The following MSI2 variants were observed in gnomAD, a reference collection of about 807,000 sequenced individuals.
MSI2 encodes the protein RNA-binding protein Musashi homolog 2.
A neutral mutation model predicts 45.6 loss-of-function variants in MSI2; 17 were observed. The observed-to-expected ratio is 0.37, with a 90% CI of 0.26 to 0.56. The LOEUF is 0.56. Ranked by LOEUF, MSI2 falls within the 20% of genes least tolerant of loss-of-function variation. The pLI, the probability that MSI2 is intolerant of heterozygous loss-of-function variation, is 0.77. For missense variants in MSI2, 293 were observed against 444.2 expected, an observed-to-expected ratio of 0.66 and a Z score of 3.06; for synonymous variants, 156 against 158.2, an observed-to-expected ratio of 0.99 and a Z score of 0.11.
At chr17:57,493,528 C>T (rs1325615328) in intron 6 of MSI2, among the ~76,000 whole-genome samples, 4 of 151,700 alleles carry the variant, frequency 2.6e-5, no homozygotes, top group African/African-American at 9.7e-5. Context: ...AGATCCAGCC[C>T]ATATGGGCAC....
intron 7 of MSI2, among the ~76,000 whole-genome samples, chr17:57,532,564 A>G (rs746939672): frequency 3.3e-5 from 5 of 152,228 alleles, no homozygotes. Context: ...ATCACAGCAG[A>G]GGCACAGATC....
intron 5 of MSI2, among the ~76,000 whole-genome samples, chr17:57,293,587 GTTTTTTTGTTTT>G (rs1202693897): frequency 0.082 from 5,353 of 65,416 alleles, 323 homozygotes; most frequent in African/African-American, 0.17. Flanking sequence ...GTGCTTTATT[GTTTTTTTGTTTT>G]TTTTTTTGTT....
At chr17:57,516,653 T>C (rs1461057402) in intron 6 of MSI2, among the ~76,000 whole-genome samples, 2 of 152,230 alleles carry the variant, frequency 1.3e-5, no homozygotes, top group African/African-American at 4.8e-5. Context: ...AGGGTAGTCA[T>C]TTGCCACAGG....
intron 6 of MSI2, among the ~76,000 whole-genome samples, chr17:57,486,594 G>A (rs2085759055): frequency 6.6e-6 from 1 of 152,174 alleles, no homozygotes; most frequent in Admixed American, 6.5e-5. Context: ...TTCCTTGTAT[G>A]TGTTTGGAAA....
rs1288460687 is a variant in MSI2, at chr17:57,529,298, T to G, written c.406-378T>G. ...AAAAATAAAATAAAATAACTGGGCA[T>G]GATGGTACATGCCTGTAGTCCCAGC... On this transcript the variant is annotated intron_variant, in intron 6 of 13. Coordinates refer to ENST00000284073, the MANE Select transcript of MSI2 (RefSeq NM_138962.4). This position sits in a 1 kb window ranked among gnomAD's most constrained non-coding sequence, Gnocchi z 5.3. Among the ~76,000 whole-genome samples, 1 of 152,014 alleles carries G rather than the reference T, an allele frequency of 6.6e-6. No individual in the cohort carries two copies. Among genetic ancestry groups the G allele is most frequent in the African/African-American group, 2.4e-5 (1 of 41,368 alleles).
intron 6 of MSI2, among the ~76,000 whole-genome samples, chr17:57,437,245 GT>G (rs1351885526): frequency 3.9e-5 from 6 of 152,222 alleles, no homozygotes; most frequent in Non-Finnish European, 7.4e-5. Flanking sequence ...TTTTTATCGT[GT>G]TGTAGCTATT....
At chr17:57,648,132 CGTGTGTGT>C (rs765039915) in intron 10 of MSI2, among the ~76,000 whole-genome samples, 2,223 of 116,226 alleles carry the variant, frequency 0.019, 55 homozygotes, top group South Asian at 0.098. Context: ...CTGGCTAATT[CGTGTGTGT>C]GTGTGTGTGT....
At chr17:57,608,392 G>A (rs758389846) in intron 8 of MSI2, 1 of 152,356 alleles carries the variant, frequency 6.6e-6, no homozygotes, top group African/African-American at 2.4e-5. Context: ...GAGTGATGGT[G>A]ACATGCCCAT....
chr17:57,256,514 CG>C (rs563641847), upstream of MSI2: 114 of 128,506 alleles, frequency 8.9e-4, no homozygotes, highest in South Asian at 0.025. Flanking sequence ...GGGGCGGGGA[CG>C]GGGGGGTGTG....
At chr17:57,632,120 A>G (rs1188280894) in intron 10 of MSI2, 3 of 1,235,546 alleles carry the variant, frequency 2.4e-6, no homozygotes, top group South Asian at 2.7e-5. Context: ...GAAACTTCTC[A>G]CAAACTTCGT....
chr17:57,451,699 G>A (rs553410726), intron 6 of MSI2, among the ~76,000 whole-genome samples: 113 of 152,332 alleles, frequency 7.4e-4, no homozygotes, highest in African/African-American at 2.6e-3. Flanking sequence ...ATTTAAGGTG[G>A]GAAGTTGGAG....
chr17:57,673,713 T>C (rs1218699389), intron 11 of MSI2, among the ~76,000 whole-genome samples: 1 of 151,978 alleles, frequency 6.6e-6, no homozygotes, highest in African/African-American at 2.4e-5. Context: ...ATGATGGGAT[T>C]GGGGGGGCCG....
At chr17:57,626,021 G>A (rs963515285) in intron 9 of MSI2, 3 of 152,212 alleles carry the variant, frequency 2.0e-5, no homozygotes, top group African/African-American at 7.2e-5. Flanking sequence ...TCCGTCTGTC[G>A]AGCCCAGGTT....
intron 6 of MSI2, among the ~76,000 whole-genome samples, chr17:57,452,777 C>T (rs866512985): frequency 6.6e-6 from 1 of 152,156 alleles, no homozygotes; most frequent in African/African-American, 2.4e-5. Context: ...CTTCATCTTA[C>T]GTGTTCCTCT....
intron 10 of MSI2, chr17:57,631,698 A>G: frequency 9.3e-7 from 1 of 1,080,866 alleles, no homozygotes; most frequent in African/African-American, 1.6e-5. Context: ...ATGGGTTGTG[A>G]TCAGGGATCT....
At chr17:57,309,220 G>T (rs993159680) in intron 5 of MSI2, among the ~76,000 whole-genome samples, 2 of 152,184 alleles carry the variant, frequency 1.3e-5, no homozygotes, top group Non-Finnish European at 2.9e-5. Context: ...ATTCTACTGG[G>T]CTTAATCATC....
chr17:57,523,574 T>C (rs1432443621), intron 6 of MSI2: 1 of 152,254 alleles, frequency 6.6e-6, no homozygotes, highest in Middle Eastern at 3.2e-3. Context: ...TAATTATTGC[T>C]GATTTTCACG....
At chr17:57,631,779 T>A (rs776058249) in intron 10 of MSI2, 7 of 1,608,606 alleles carry the variant, frequency 4.4e-6, no homozygotes, top group Non-Finnish European at 6.0e-6. Context: ...CTGTTCTTAT[T>A]TCACTTTGCA....
intron 6 of MSI2, among the ~76,000 whole-genome samples, chr17:57,469,287 T>A: frequency 6.6e-6 from 1 of 152,252 alleles, no homozygotes; most frequent in East Asian, 1.9e-4. Context: ...AAAGGATTTT[T>A]AAACTAAACA....
Sources: gnomAD v4.1 joint callset for allele counts (sites outside exome capture counted in the v4.1 genomes callset) on GRCh38, gnomAD v4.1.1 for gene constraint, Gnocchi (gnomAD v3.1) non-coding constraint, MANE v1.5 for transcripts, NCBI Gene and HGNC (gene_info 2026-07-23, HGNC 2026-07-21) for gene names.